Variants in EML1 observed in about 807,000 individuals in gnomAD.
EML1 encodes the protein echinoderm microtubule-associated protein-like 1.
In EML1, 27 loss-of-function variants were observed where a neutral mutation model predicts 110.4. The ratio of observed to expected loss-of-function variants is 0.24; its 90% CI spans 0.18 to 0.34. The LOEUF is 0.34. EML1 is among the 10% of genes least tolerant of loss of function. The pLI, the probability that EML1 is intolerant of heterozygous loss-of-function variation, is 1.00. For synonymous variants in EML1, 344 were observed against 385.8 expected (o/e 0.89, Z 1.27); for missense variants, 741 against 1,030.9 (o/e 0.72, Z 3.85).
chr14:99,828,408 A>C (rs990763053), intron 1 of EML1, among the ~76,000 whole-genome samples: 36 of 152,330 alleles, frequency 2.4e-4, no homozygotes, highest in Middle Eastern at 3.4e-3. Context: ...CCGTTATCAA[A>C]TGACTATCAT....
upstream of EML1, among the ~76,000 whole-genome samples, chr14:99,771,753 A>C (rs972835008): frequency 6.6e-6 from 1 of 152,224 alleles, no homozygotes; most frequent in Non-Finnish European, 1.5e-5. Flanking sequence ...TTGAGGCTAC[A>C]GTGAACCATG....
intron 2 of EML1, among the ~76,000 whole-genome samples, chr14:99,863,094 C>T (rs1004257226): frequency 6.6e-6 from 1 of 152,190 alleles, no homozygotes; most frequent in Non-Finnish European, 1.5e-5. Flanking sequence ...AGAGACCTGC[C>T]GCTGCCATCC....
At chr14:99,934,259 G>A (rs575991958) in intron 17 of EML1, among the ~76,000 whole-genome samples, 23 of 152,338 alleles carry the variant, frequency 1.5e-4, no homozygotes, top group African/African-American at 5.3e-4. Context: ...GTGGTCACCT[G>A]GCCTTCTCAA....
intron 17 of EML1, among the ~76,000 whole-genome samples, chr14:99,930,443 G>A (rs1274834349): frequency 6.6e-6 from 1 of 152,206 alleles, no homozygotes; most frequent in African/African-American, 2.4e-5. Context: ...GGGTTCTTTG[G>A]CATGCTCAGA....
chr14:99,939,187 T>A lies in EML1; in HGVS notation c.2192-10T>A. On this transcript the variant is annotated splice_polypyrimidine_tract_variant and intron_variant, in intron 20 of 21. Coordinates refer to ENST00000262233, the MANE Select transcript of EML1 (RefSeq NM_004434.3). This position sits in a 1 kb window ranked among gnomAD's most constrained non-coding sequence, Gnocchi z 4.2. ...TGTTTCCAGCGCCCTGTTTGTGGTC[T>A]TTGTTTTAGGAGTGTGGCCAGAAGG... The A allele has an allele frequency of 6.2e-7, 1 of 1,613,852 alleles. No homozygotes were observed. The highest frequency in any genetic ancestry group is 8.5e-7 in the Non-Finnish European group (1 of 1,179,842).
At chr14:99,802,701 T>C (rs2057904071) in intron 1 of EML1, among the ~76,000 whole-genome samples, 1 of 151,766 alleles carries the variant, frequency 6.6e-6, no homozygotes, top group Non-Finnish European at 1.5e-5. Context: ...GGAGGACATA[T>C]GGGATACAAG....
At position 99,781,450 on chromosome 14, in the gene EML1, GCTT is replaced by G. The variant is rs2057538796; in HGVS notation, c.-27+7443_-27+7445del. Reference sequence around the variant, plus strand: ...CCTCTAGACCCCAGATCCTCTCTTGGCTTCTTCTGCATCCGCAGTGTGGTCTGG... The same window carrying G: ...CCTCTAGACCCCAGATCCTCTCTTGGCTTCTGCATCCGCAGTGTGGTCTGG... On this transcript the variant is annotated intron_variant, in intron 1 of 22. Transcript: ENST00000327921. This position sits in a 1 kb window ranked among gnomAD's most constrained non-coding sequence, Gnocchi z 4.2. Among the ~76,000 whole-genome samples, 1 of 152,116 alleles carries G rather than the reference GCTT, an allele frequency of 6.6e-6. No individual in the cohort carries two copies. Among genetic ancestry groups the G allele is most frequent in the East Asian group, 1.9e-4 (1 of 5,172 alleles).
intron 1 of EML1, among the ~76,000 whole-genome samples, chr14:99,758,222 A>C (rs554632371): frequency 6.6e-6 from 1 of 152,350 alleles, no homozygotes; most frequent in South Asian, 2.1e-4. Context: ...AACGGAAGCC[A>C]GATCATAAAA....
intron 3 of EML1, among the ~76,000 whole-genome samples, chr14:99,870,878 T>G (rs2139904619): frequency 6.6e-6 from 1 of 152,366 alleles, no homozygotes; most frequent in Middle Eastern, 3.4e-3. Context: ...ATTAATGTTT[T>G]TATGCTGGCT....
intron 8 of EML1, among the ~76,000 whole-genome samples, chr14:99,900,442 C>T (rs2059745107): frequency 6.6e-6 from 1 of 152,190 alleles, no homozygotes; most frequent in Non-Finnish European, 1.5e-5. Context: ...CTGCCTCAGC[C>T]TCCCAAAGTG....
At chr14:99,758,376 T>G (rs2057279215) in intron 1 of EML1, among the ~76,000 whole-genome samples, 1 of 151,814 alleles carries the variant, frequency 6.6e-6, no homozygotes, top group Non-Finnish European at 1.5e-5. Flanking sequence ...GCATACAGAG[T>G]TCCACCCACC....
intron 8 of EML1, among the ~76,000 whole-genome samples, chr14:99,900,049 C>T (rs1595454445): frequency 1.3e-5 from 2 of 152,110 alleles, no homozygotes; most frequent in African/African-American, 4.8e-5. Flanking sequence ...ATGATGTTTT[C>T]TTCTATTAAG....
At chr14:99,790,995 C>CTAT, upstream of EML1, among the ~76,000 whole-genome samples, 1 of 152,094 alleles carries the variant, frequency 6.6e-6, no homozygotes, top group Non-Finnish European at 1.5e-5. Context: ...ATAGCTAGGA[C>CTAT]TATAGGTGCA....
chr14:99,909,301 G>A (rs750613616), intron 10 of EML1, 44 bp from the exon 11 acceptor site: 42 of 1,613,316 alleles, frequency 2.6e-5, no homozygotes, highest in Admixed American at 2.3e-4. Flanking sequence ...TCTCTTACGC[G>A]TCTTAAGAGA....
intron 1 of EML1, among the ~76,000 whole-genome samples, chr14:99,755,553 G>C (rs1000619562): frequency 4.6e-5 from 7 of 152,200 alleles, no homozygotes; most frequent in Admixed American, 1.3e-4. Flanking sequence ...CTGTGGAGGG[G>C]AGAGCTGGGG....
rs1197958568 is a variant in EML1, at chr14:99,905,325, T to C, written c.1009-2313T>C. ...TCAGACATGCCCCTGGTCGGCCCCA[T>C]CGTTGTTAATCCAGCCTCCAACCAG... On this transcript the variant is annotated intron_variant, in intron 9 of 21. Coordinates refer to ENST00000262233, the MANE Select transcript of EML1 (RefSeq NM_004434.3). The surrounding 1 kb of genome is among the most constrained non-coding windows in gnomAD (Gnocchi z 4.1). Among the ~76,000 whole-genome samples, 9 of 152,198 alleles carry C rather than the reference T, an allele frequency of 5.9e-5. No homozygotes were observed. In the East Asian group the frequency reaches 1.5e-3, roughly 26 times the overall value.
chr14:99,897,652 G>A (rs1242015737), intron 7 of EML1, among the ~76,000 whole-genome samples: 2 of 152,060 alleles, frequency 1.3e-5, no homozygotes, highest in African/African-American at 4.8e-5. Flanking sequence ...AACAAACAGC[G>A]CCACCTCTTT....
intron 1 of EML1, among the ~76,000 whole-genome samples, chr14:99,746,480 T>G (rs1048193490): frequency 2.0e-5 from 3 of 152,118 alleles, no homozygotes; most frequent in Non-Finnish European, 2.9e-5. Context: ...GCCCTTTGCC[T>G]CTGGGGAGGT....
intron 17 of EML1, among the ~76,000 whole-genome samples, chr14:99,921,601 T>G (rs1344694089): frequency 6.6e-6 from 1 of 152,172 alleles, no homozygotes; most frequent in African/African-American, 2.4e-5. Flanking sequence ...TCAATGATGA[T>G]CAGCTCTCAG....
Sources: gnomAD v4.1 joint callset for allele counts (sites outside exome capture counted in the v4.1 genomes callset) on GRCh38, gnomAD v4.1.1 for gene constraint, Gnocchi (gnomAD v3.1) non-coding constraint, MANE v1.5 for transcripts, NCBI Gene and HGNC (gene_info 2026-07-23, HGNC 2026-07-21) for gene names.